CSMD3: variants seen among roughly 807,000 people sequenced by gnomAD.
CSMD3 encodes the protein CUB and sushi domain-containing protein 3.
In CSMD3, 177 loss-of-function variants were observed where a neutral mutation model predicts 435.2. The ratio of observed to expected loss-of-function variants is 0.41; its 90% CI spans 0.36 to 0.46. CSMD3 has a LOEUF of 0.46. Among genes scored for constraint, CSMD3 ranks in the 20% least tolerant of loss-of-function variants. The pLI is 0.34. For missense variants in CSMD3, 4,265 were observed against 4,504.6 expected, an observed-to-expected ratio of 0.95 and a Z score of 1.52; for synonymous variants, 1,656 against 1,520.5, an observed-to-expected ratio of 1.09 and a Z score of -2.07.
At chr8:112,989,052 C>T (rs1197756339) in intron 6 of CSMD3, among the ~76,000 whole-genome samples, 2 of 151,934 alleles carry the variant, frequency 1.3e-5, no homozygotes, top group East Asian at 1.9e-4. Context: ...TTGTCGAGTG[C>T]TTAGTTTATG....
rs1264387236 is a variant in CSMD3, at chr8:113,396,179, T to C, written c.178+40498A>G. On this transcript the variant is annotated intron_variant, in intron 1 of 70. Transcript: ENST00000297405. ...TGCACCTCATAGTGCTCAGATTTTG[T>C]AGCAAAATATGATTCCCATTGGGGA... Among the ~76,000 whole-genome samples the C allele has an allele frequency of 7.9e-5, 12 of 152,290 alleles. No homozygotes were observed. In the South Asian group the frequency reaches 1.7e-3, roughly 21 times the overall value.
At chr8:113,397,653 A>G (rs952207741) in intron 1 of CSMD3, among the ~76,000 whole-genome samples, 1 of 151,682 alleles carries the variant, frequency 6.6e-6, no homozygotes, top group Non-Finnish European at 1.5e-5. Context: ...CGTCTCTAGT[A>G]AAAATACAAA....
chr8:112,360,863 A>G (rs904944667), intron 38 of CSMD3, among the ~76,000 whole-genome samples: 2 of 151,854 alleles, frequency 1.3e-5, no homozygotes. Flanking sequence ...GGCTTCATTC[A>G]TTTTTTTGCA....
rs983659215 is a variant in CSMD3, at chr8:112,756,652, C to T, written c.1972+43510G>A. 7.9e-5 allele frequency among the ~76,000 whole-genome samples: 12 copies of T among 152,208 alleles called. No individual in the cohort carries two copies. In the South Asian group the frequency reaches 2.1e-3, roughly 26 times the overall value. On this transcript the variant is annotated intron_variant, in intron 13 of 70. Coordinates refer to ENST00000297405, the MANE Select transcript of CSMD3 (RefSeq NM_198123.2). ...AGTTAATAACATAATTGCCTTGGCA[C>T]CATGTTCTGAGTTGTACATGTACTA...
intron 13 of CSMD3, among the ~76,000 whole-genome samples, chr8:112,780,035 C>T (rs1055503000): frequency 6.6e-6 from 1 of 151,934 alleles, no homozygotes; most frequent in Non-Finnish European, 1.5e-5. Context: ...TAAATAATCA[C>T]CACTATATCA....
chr8:112,950,129 T>A (rs1335288849), intron 8 of CSMD3, among the ~76,000 whole-genome samples: 11 of 151,998 alleles, frequency 7.2e-5, no homozygotes, highest in Non-Finnish European at 1.6e-4. Flanking sequence ...AAAGATTATA[T>A]ACTTGATAAA....
intron 36 of CSMD3, among the ~76,000 whole-genome samples, chr8:112,388,817 G>T (rs1288831583): frequency 6.6e-6 from 1 of 152,244 alleles, no homozygotes; most frequent in South Asian, 2.1e-4. Context: ...AGTAGCTGAA[G>T]CCATGGAATT....
chr8:112,629,632 C>T (rs1000490121), intron 22 of CSMD3, among the ~76,000 whole-genome samples: 6 of 152,058 alleles, frequency 3.9e-5, no homozygotes, highest in South Asian at 2.1e-4. Context: ...CAGTAGAAGA[C>T]GCTAAAGCCA....
chr8:112,959,553 C>T (rs1019991530), intron 7 of CSMD3, among the ~76,000 whole-genome samples: 1 of 151,832 alleles, frequency 6.6e-6, no homozygotes, highest in Non-Finnish European at 1.5e-5. Flanking sequence ...TGTAACCTTT[C>T]TTTTCAAATG....
chr8:112,954,604 G>A, intron 8 of CSMD3, 80 bp downstream of exon 8: 3 of 833,994 alleles, frequency 3.6e-6, no homozygotes, highest in Non-Finnish European at 6.1e-6. Flanking sequence ...AAATATTTTG[G>A]TAAAACACAT....
At chr8:112,999,107 T>C (rs1194007948) in intron 6 of CSMD3, among the ~76,000 whole-genome samples, 1 of 151,986 alleles carries the variant, frequency 6.6e-6, no homozygotes, top group African/African-American at 2.4e-5. Flanking sequence ...TGGACTCCTC[T>C]ACTCACTCAG....
chr8:113,055,145 T>A (rs1182472006), intron 5 of CSMD3, among the ~76,000 whole-genome samples: 1 of 152,158 alleles, frequency 6.6e-6, no homozygotes, highest in Non-Finnish European at 1.5e-5. Context: ...CACTGTATTA[T>A]CATCTGCTAC....
At position 112,223,699 on chromosome 8, in the gene CSMD3, A is replaced by G. The variant is rs375197169; in HGVS notation, c.*1072T>C. Reference sequence around the variant, plus strand: ...ATAATAATAATTTTTTTCAGTCATTATGTTTAGTGGCTAGACCAAAATATT... The same window carrying G: ...ATAATAATAATTTTTTTCAGTCATTGTGTTTAGTGGCTAGACCAAAATATT... On this transcript the variant is annotated 3_prime_UTR_variant, in exon 71 of 71. Coordinates refer to ENST00000297405, the MANE Select transcript of CSMD3 (RefSeq NM_198123.2). The G allele has an allele frequency of 6.6e-6, 1 of 152,158 alleles. No individual in the cohort carries two copies. The highest frequency in any genetic ancestry group is 6.5e-5 in the Admixed American group (1 of 15,272). 9.4% of individuals were successfully genotyped at this position (152,158 alleles called of 1,614,324 possible).
At chr8:112,946,731 G>T (rs1472505926) in intron 9 of CSMD3, among the ~76,000 whole-genome samples, 5 of 151,716 alleles carry the variant, frequency 3.3e-5, no homozygotes, top group Middle Eastern at 3.4e-3. Context: ...TTTCTCTTTA[G>T]TGTGTTCCTT....
chr8:112,741,979 G>GA (rs759767024), intron 13 of CSMD3, among the ~76,000 whole-genome samples: 8 of 151,958 alleles, frequency 5.3e-5, no homozygotes, highest in Middle Eastern at 3.4e-3. Flanking sequence ...AGAATTAATA[G>GA]GCTTGACAGA....
intron 66 of CSMD3, 34 bp downstream of exon 66, chr8:112,241,686 A>C: frequency 6.8e-7 from 1 of 1,466,182 alleles, no homozygotes; most frequent in Non-Finnish European, 9.6e-7. Flanking sequence ...TTTTAGAAAT[A>C]ATGAACTCTA....
rs1404591136 is a variant in CSMD3, at chr8:112,595,830, C to A, written c.3716-8595G>T. ...AAGCAAATGCTGACCGATTTTGTCACCACCAGGCCTGCCCTAAAAGAGCTC... is the reference window on the plus strand; with the variant it reads ...AAGCAAATGCTGACCGATTTTGTCAACACCAGGCCTGCCCTAAAAGAGCTC... On this transcript the variant is annotated intron_variant, in intron 22 of 70. Coordinates refer to ENST00000297405, the MANE Select transcript of CSMD3 (RefSeq NM_198123.2). 3.8e-5 allele frequency among the ~76,000 whole-genome samples: 4 copies of A among 105,306 alleles called. 1 individual carries two copies. The highest frequency in any genetic ancestry group is 7.6e-5 in the Non-Finnish European group (4 of 52,720). The allele number at this position is 105,306 out of a possible 152,430, so 69.1% of individuals were successfully genotyped here. A position where few individuals can be genotyped will look rare whatever the true frequency, so the allele number is the denominator to read the frequency against.
chr8:112,974,056 G>T (rs577893154), intron 7 of CSMD3, among the ~76,000 whole-genome samples: 2 of 151,964 alleles, frequency 1.3e-5, no homozygotes, highest in Admixed American at 1.3e-4. Flanking sequence ...GGTAAAACAG[G>T]TATCAATCTC....
intron 12 of CSMD3, among the ~76,000 whole-genome samples, chr8:112,805,640 T>G (rs1295537510): frequency 2.6e-5 from 4 of 152,210 alleles, no homozygotes; most frequent in Admixed American, 2.6e-4. Context: ...CTTTAGTTTC[T>G]AACATCAGAA....
Sources: allele counts gnomAD v4.1 joint callset (sites outside exome capture counted in the v4.1 genomes callset), GRCh38; gene constraint gnomAD v4.1.1; transcripts MANE v1.5; gene names NCBI Gene and HGNC (gene_info 2026-07-23, HGNC 2026-07-21).